Variants in SCML4 observed in about 807,000 individuals in gnomAD.
SCML4 encodes the protein sex comb on midleg-like protein 4.
A neutral mutation model predicts 41.1 loss-of-function variants in SCML4; 34 were observed. That is an observed-to-expected ratio of 0.83 (90% CI 0.63 to 1.10). SCML4 has a LOEUF of 1.10. Among genes scored for constraint, SCML4 ranks in the 50% least tolerant of loss-of-function variants. The probability of loss-of-function intolerance (pLI) is 0.00; values close to 1 mark genes in which losing one functional copy is unlikely to be tolerated. For missense variants in SCML4, 522 were observed against 534.1 expected, an observed-to-expected ratio of 0.98 and a Z score of 0.22; for synonymous variants, 214 against 220.9, an observed-to-expected ratio of 0.97 and a Z score of 0.28.
intron 5 of SCML4, among the ~76,000 whole-genome samples, chr6:107,740,930 T>G (rs1409377637): frequency 1.3e-5 from 2 of 152,058 alleles, no homozygotes; most frequent in Non-Finnish European, 1.5e-5. Flanking sequence ...GTGAAGGGGA[T>G]CAAGGTTAGC....
rs189054555 is a variant in SCML4, at chr6:107,713,727, C to T, written c.974-5716G>A. On this transcript the variant is annotated intron_variant, in intron 6 of 7. Coordinates refer to ENST00000369020, the MANE Select transcript of SCML4 (RefSeq NM_198081.5). The stretch of plus-strand genomic sequence containing the variant: ...TCAGGCTGCCTGTGAGCTGCCCAGG[C>T]CCTCTTGGTTTCTGGCACCTGGAAC... Among the ~76,000 whole-genome samples, 13 of 152,298 alleles carry T rather than the reference C, an allele frequency of 8.5e-5. No individual in the cohort carries two copies. In the East Asian group the frequency reaches 2.5e-3, roughly 29 times the overall value.
At chr6:107,807,061 C>CT (rs201486996) in intron 1 of SCML4, among the ~76,000 whole-genome samples, 27 of 133,540 alleles carry the variant, frequency 2.0e-4, no homozygotes, top group African/African-American at 7.1e-4. Context: ...TGTTCCTAAG[C>CT]TTTTTTTTTT....
chr6:107,768,078 C>T (rs1324240029), intron 2 of SCML4, among the ~76,000 whole-genome samples: 1 of 137,054 alleles, frequency 7.3e-6, no homozygotes, highest in Non-Finnish European at 1.5e-5. Flanking sequence ...CTGGGGAACT[C>T]GGTGAGACTT....
intron 3 of SCML4, 52 bp downstream of exon 3, chr6:107,749,632 G>T: frequency 1.3e-6 from 2 of 1,598,010 alleles, no homozygotes; most frequent in Admixed American, 1.7e-5. Context: ...GATGGTAGCT[G>T]CCCTGTTCTC....
chr6:107,769,126 G>A (rs1431215263), intron 2 of SCML4, among the ~76,000 whole-genome samples: 1 of 152,106 alleles, frequency 6.6e-6, no homozygotes. Context: ...GTCAGAGTGT[G>A]GCTCTTCATA....
intron 1 of SCML4, among the ~76,000 whole-genome samples, chr6:107,797,413 T>A (rs1782790563): frequency 6.6e-6 from 1 of 152,100 alleles, no homozygotes; most frequent in Non-Finnish European, 1.5e-5. Context: ...GTACTTTTAC[T>A]TCATTTTCCA....
At chr6:107,823,583 CA>C in intron 1 of SCML4, among the ~76,000 whole-genome samples, 1 of 151,948 alleles carries the variant, frequency 6.6e-6, no homozygotes, top group East Asian at 1.9e-4. Context: ...AAAACCAGCA[CA>C]AAGACATGTG....
intron 5 of SCML4, among the ~76,000 whole-genome samples, chr6:107,724,678 T>A (rs1236520695): frequency 6.6e-6 from 1 of 152,208 alleles, no homozygotes; most frequent in Non-Finnish European, 1.5e-5. Context: ...TCAGAAGGCT[T>A]ATTTTTAGGG....
intron 5 of SCML4, among the ~76,000 whole-genome samples, chr6:107,739,153 A>G (rs1294131520): frequency 1.3e-5 from 2 of 151,672 alleles, no homozygotes; most frequent in Non-Finnish European, 2.9e-5. Flanking sequence ...GCACCTGGGG[A>G]TCTGTTGTTT....
intron 1 of SCML4, among the ~76,000 whole-genome samples, chr6:107,774,525 C>T (rs762945226): frequency 3.9e-5 from 6 of 152,160 alleles, no homozygotes; most frequent in Non-Finnish European, 8.8e-5. Flanking sequence ...ATAAGATTTT[C>T]GCTATGTGAA....
intron 1 of SCML4, among the ~76,000 whole-genome samples, chr6:107,790,833 G>A (rs1782267112): frequency 6.6e-6 from 1 of 152,150 alleles, no homozygotes; most frequent in East Asian, 1.9e-4. Flanking sequence ...ACTTTGGAAG[G>A]CTAAGGCGGA....
Position 107,765,213 on chromosome 6 carries a change from G to A in SCML4, c.156+6959C>T, listed in dbSNP as rs143103744. Among the ~76,000 whole-genome samples, 1,034 of 152,284 alleles carry A rather than the reference G, an allele frequency of 6.8e-3. 13 individuals carry two copies. The highest frequency in any genetic ancestry group is 0.024 in the African/African-American group (1,009 of 41,570). On this transcript the variant is annotated intron_variant, in intron 2 of 7. Coordinates refer to ENST00000369020, the MANE Select transcript of SCML4 (RefSeq NM_198081.5). ...TGGGTGTCTTACAGAAACTGGTGAG[G>A]GGGTCAAGTTCTGTGCATCAGTGGC... is the stretch of plus-strand genomic sequence containing the variant.
intron 2 of SCML4, among the ~76,000 whole-genome samples, chr6:107,750,388 T>C (rs1301930943): frequency 1.3e-5 from 2 of 152,232 alleles, no homozygotes; most frequent in Non-Finnish European, 2.9e-5. Flanking sequence ...CTTTGATGAT[T>C]TCACTTGAAA....
chr6:107,746,472 T>C (rs1778101663), intron 4 of SCML4: 2 of 479,900 alleles, frequency 4.2e-6, no homozygotes, highest in Non-Finnish European at 7.3e-6. Flanking sequence ...AGAGTCAAGA[T>C]GAGGATCAGA....
intron 2 of SCML4, among the ~76,000 whole-genome samples, chr6:107,768,976 C>T (rs1400502036): frequency 6.6e-6 from 1 of 152,066 alleles, no homozygotes; most frequent in Non-Finnish European, 1.5e-5. Flanking sequence ...CCTTGGTGGT[C>T]TTTTTGGTCA....
At chr6:107,778,240 T>A (rs1428713925) in intron 1 of SCML4, among the ~76,000 whole-genome samples, 157 of 11,966 alleles carry the variant, frequency 0.013, 3 homozygotes, top group South Asian at 0.021. Flanking sequence ...TATATATATA[T>A]ATATATATAT....
chr6:107,753,522 T>A (rs181388769), intron 2 of SCML4, among the ~76,000 whole-genome samples: 266 of 152,342 alleles, frequency 1.7e-3, no homozygotes, highest in African/African-American at 6.3e-3. Context: ...TTTCGCAAGA[T>A]GAAAATGTTC....
At chr6:107,776,868 A>G (rs1427430503) in intron 1 of SCML4, among the ~76,000 whole-genome samples, 1 of 152,276 alleles carries the variant, frequency 6.6e-6, no homozygotes, top group Non-Finnish European at 1.5e-5. Context: ...TTTCACATTC[A>G]TAAAATGAAA....
rs1365012154 is a variant in SCML4, at chr6:107,703,577, A to C, written c.*1623T>G. Among the ~76,000 whole-genome samples the C allele has an allele frequency of 1.3e-5, 2 of 152,210 alleles. No individual in the cohort carries two copies. Among genetic ancestry groups the C allele is most frequent in the African/African-American group, 2.4e-5 (1 of 41,450 alleles). ...CTAACTATATAGAGGGTCACTCTGC[A>C]GATCTACCCAGGGCTGCCCTCAAGG... On this transcript the variant is annotated 3_prime_UTR_variant, in exon 8 of 8. Coordinates refer to ENST00000369020, the MANE Select transcript of SCML4 (RefSeq NM_198081.5).
Sources: gnomAD v4.1 joint callset for allele counts (sites outside exome capture counted in the v4.1 genomes callset) on GRCh38, gnomAD v4.1.1 for gene constraint, MANE v1.5 for transcripts, NCBI Gene and HGNC (gene_info 2026-07-23, HGNC 2026-07-21) for gene names.